Variants in STMND1 observed in about 807,000 individuals in gnomAD.
STMND1 encodes the protein stathmin domain-containing protein 1.
STMND1 carries 17 observed loss-of-function variants against 23.0 expected under a neutral mutation model. The observed-to-expected ratio is 0.74, with a 90% CI of 0.51 to 1.11. The LOEUF is 1.11. Among genes scored for constraint, STMND1 ranks in the 50% least tolerant of loss-of-function variants. The pLI is 0.00. For synonymous variants in STMND1, 114 were observed against 119.9 expected, an observed-to-expected ratio of 0.95 and a Z score of 0.32; for missense variants, 305 against 329.1, an observed-to-expected ratio of 0.93 and a Z score of 0.57.
chr6:17,126,068 ATATTTTTTTTTTT>A (rs1761298883), intron 3 of STMND1, among the ~76,000 whole-genome samples: 2 of 21,380 alleles, frequency 9.4e-5, no homozygotes, highest in African/African-American at 2.5e-4. Context: ...ATATATATAT[ATATTTTTTTTTTT>A]TTTTTTTTTT....
Position 17,107,567 on chromosome 6 carries a change from C to A in STMND1, c.81+5229C>A, listed in dbSNP as rs1761042010. On this transcript the variant is annotated intron_variant, in intron 1 of 4. Coordinates refer to ENST00000536551, the MANE Select transcript of STMND1 (RefSeq NM_001190766.2). ...ACCTATATAATATGCAGGTATACTT[C>A]TTTTCTTCTTCTTCCTTCTTTCTTC... 2.0e-5 allele frequency among the ~76,000 whole-genome samples: 3 copies of A among 152,128 alleles called. No homozygotes were observed. The South Asian group carries it at 6.2e-4, about 32-fold the overall frequency.
chr6:17,120,421 C>A (rs1761217557), intron 2 of STMND1, among the ~76,000 whole-genome samples, 186 bp from the exon 3 acceptor site: 1 of 152,014 alleles, frequency 6.6e-6, no homozygotes, highest in Admixed American at 6.5e-5. Flanking sequence ...TGATGTGTAT[C>A]CTCTGTAAGA....
intron 3 of STMND1, among the ~76,000 whole-genome samples, chr6:17,124,564 G>A (rs1285640304): frequency 6.6e-6 from 1 of 152,226 alleles, no homozygotes; most frequent in Non-Finnish European, 1.5e-5. Context: ...GGGAGGATCT[G>A]TGTCCACCAC....
chr6:17,111,650 A>G (rs1281344019), intron 1 of STMND1, among the ~76,000 whole-genome samples: 3 of 152,162 alleles, frequency 2.0e-5, no homozygotes, highest in Non-Finnish European at 4.4e-5. Flanking sequence ...ACAGAAATAT[A>G]ATATAATTTA....
chr6:17,124,188 A>G (rs1254824590), intron 3 of STMND1, among the ~76,000 whole-genome samples: 1 of 152,206 alleles, frequency 6.6e-6, no homozygotes, highest in Admixed American at 6.5e-5. Flanking sequence ...CAGACATGTA[A>G]ATATTATTTC....
chr6:17,114,792 C>A (rs1761136254), intron 1 of STMND1, among the ~76,000 whole-genome samples, 170 bp from the exon 2 acceptor site: 1 of 152,108 alleles, frequency 6.6e-6, no homozygotes, highest in Non-Finnish European at 1.5e-5. Context: ...GGCCACGGAC[C>A]AGTACTGGTA....
In STMND1 at chr6:17,115,062, T is replaced by C. The variant is rs532291638; in HGVS notation, c.182T>C (p.Val61Ala). The change falls in exon 2 of 5, where the codon GTC (valine) becomes GCC (alanine). Residue 61 changes from valine to alanine, a missense_variant. Coordinates refer to ENST00000536551, the MANE Select transcript of STMND1 (RefSeq NM_001190766.2). ...GACATTGCAGAAGGCCTGGAACAAGTCCAGATGGGAAGCTTACCTGGAACC... is the reference window on the plus strand; with the variant it reads ...GACATTGCAGAAGGCCTGGAACAAGCCCAGATGGGAAGCTTACCTGGAACC... ...TVDIAEGLEQVQMGSLPGTIS... is the reference protein window; with the variant it reads ...TVDIAEGLEQAQMGSLPGTIS... The C allele has an allele frequency of 6.5e-7, 1 of 1,535,866 alleles. No homozygotes were observed. Among genetic ancestry groups the C allele is most frequent in the African/African-American group, 1.4e-5 (1 of 73,014 alleles).
chr6:17,105,993 C>T (rs919025142), intron 1 of STMND1, among the ~76,000 whole-genome samples: 2 of 151,178 alleles, frequency 1.3e-5, no homozygotes, highest in African/African-American at 4.9e-5. Context: ...CTGGAGCTGA[C>T]CTCTGCTAAC....
Position 17,102,248 on chromosome 6 carries a change from C to G in STMND1, c.-10C>G. 6.6e-7 allele frequency: 1 copy of G among 1,524,960 alleles called. No homozygotes were observed. Among genetic ancestry groups the G allele is most frequent in the African/African-American group, 1.4e-5 (1 of 71,578 alleles). The allele number at this position is 1,524,960 out of a possible 1,614,324, so 94.5% of individuals were successfully genotyped here. On this transcript the variant is annotated 5_prime_UTR_variant, in exon 1 of 5. Transcript: ENST00000536551. Reference sequence around the variant, plus strand: ...GCCAAGCCCGCGGAGGAGGAGCGCGCGCGCGCAGCATGGGCTGTGGACCTT... The same window carrying G: ...GCCAAGCCCGCGGAGGAGGAGCGCGGGCGCGCAGCATGGGCTGTGGACCTT...
chr6:17,121,871 T>C (rs1173057344), intron 3 of STMND1, among the ~76,000 whole-genome samples: 4 of 151,996 alleles, frequency 2.6e-5, no homozygotes, highest in African/African-American at 9.6e-5. Flanking sequence ...AAATTTTTTT[T>C]TTTTTTTTTG....
At chr6:17,115,168 G>T in intron 2 of STMND1, 29 bp downstream of exon 2, 1 of 1,515,220 alleles carries the variant, frequency 6.6e-7, no homozygotes, top group Non-Finnish European at 8.8e-7. Context: ...CATTCACGTA[G>T]ATCTTCACAA....
chr6:17,124,136 ATAT>A (rs71810891), intron 3 of STMND1, among the ~76,000 whole-genome samples: 46,170 of 151,800 alleles, frequency 0.3, 7,162 homozygotes, highest in Non-Finnish European at 0.34. Context: ...CAAAACAAAG[ATAT>A]TATTATGTCA....
intron 1 of STMND1, among the ~76,000 whole-genome samples, chr6:17,102,745 A>G (rs926895275): frequency 3.3e-5 from 5 of 152,144 alleles, no homozygotes; most frequent in African/African-American, 4.8e-5. Flanking sequence ...AGGAACTGCC[A>G]TATATTATTG....
intron 1 of STMND1, among the ~76,000 whole-genome samples, chr6:17,107,725 T>C (rs1490004817): frequency 6.6e-6 from 1 of 152,152 alleles, no homozygotes; most frequent in East Asian, 1.9e-4. Context: ...GCCTGCTGAG[T>C]AGCTGGGAAT....
intron 4 of STMND1, 124 bp downstream of exon 4, chr6:17,129,367 T>A (rs910313224): frequency 6.2e-6 from 6 of 971,236 alleles, no homozygotes; most frequent in Admixed American, 3.5e-5. Context: ...GTATTTTTTT[T>A]ATTATTTTAC....
intron 3 of STMND1, among the ~76,000 whole-genome samples, chr6:17,122,399 C>T (rs1400767047): frequency 3.3e-5 from 5 of 151,788 alleles, no homozygotes; most frequent in African/African-American, 7.3e-5. Context: ...GAAAAGGAAA[C>T]GGTGGAAATA....
chr6:17,126,031 G>GTTTT lies in STMND1; in HGVS notation c.412-3080_412-3077dup, dbSNP rs202101603. Among the ~76,000 whole-genome samples the GTTTT allele has an allele frequency of 3.6e-3, 123 of 34,066 alleles. 3 individuals are homozygous for GTTTT. The highest frequency in any genetic ancestry group is 0.019 in the Middle Eastern group (1 of 54). 22.3% of individuals were successfully genotyped at this position (34,066 alleles called of 152,430 possible). Reference sequence around the variant, plus strand: ...CCTCTCTAAGCATAAGGTGATCATTGTTTTATATATATATATATATATATA... The same window carrying GTTTT: ...CCTCTCTAAGCATAAGGTGATCATTGTTTTTTTTATATATATATATATATATATA... On this transcript the variant is annotated intron_variant, in intron 3 of 4. Coordinates refer to ENST00000536551, the MANE Select transcript of STMND1 (RefSeq NM_001190766.2).
chr6:17,119,235 G>A (rs2113486275), intron 2 of STMND1, among the ~76,000 whole-genome samples: 1 of 152,298 alleles, frequency 6.6e-6, no homozygotes, highest in East Asian at 1.9e-4. Flanking sequence ...TACTAAGATA[G>A]GAGGAAAACT....
chr6:17,103,197 A>C (rs1760966746), intron 1 of STMND1, among the ~76,000 whole-genome samples: 1 of 152,190 alleles, frequency 6.6e-6, no homozygotes, highest in Admixed American at 6.5e-5. Flanking sequence ...TGCTTTTAAG[A>C]GTGAAAGGAA....
Sources: allele counts gnomAD v4.1 joint callset (sites outside exome capture counted in the v4.1 genomes callset), GRCh38; gene constraint gnomAD v4.1.1; transcripts MANE v1.5; gene names NCBI Gene and HGNC (gene_info 2026-07-23, HGNC 2026-07-21).